SERPINI1: variants seen among roughly 807,000 people sequenced by gnomAD.
The protein encoded by SERPINI1 is serpin family I member 1.
SERPINI1 carries 19 observed loss-of-function variants against 41.1 expected under a neutral mutation model. That is an observed-to-expected ratio of 0.46 (90% confidence interval 0.32 to 0.68). The LOEUF (loss-of-function observed/expected upper bound fraction) is 0.68, where lower values mean the gene tolerates loss of function less well. SERPINI1 is among the 30% of genes least tolerant of loss of function. SERPINI1 has a pLI of 0.03. For missense variants in SERPINI1, 460 were observed against 479.2 expected (o/e 0.96, Z 0.37); for synonymous variants, 138 against 156.6 (o/e 0.88, Z 0.89).
At chr3:167,762,353 C>T (rs1337588373) in intron 1 of SERPINI1, among the ~76,000 whole-genome samples, 3 of 152,122 alleles carry the variant, frequency 2.0e-5, no homozygotes, top group Non-Finnish European at 4.4e-5. Context: ...AACAAACGTG[C>T]TGTTTTTTCT....
At chr3:167,788,090 AT>A (rs1348167932) in intron 1 of SERPINI1, among the ~76,000 whole-genome samples, 1 of 152,230 alleles carries the variant, frequency 6.6e-6, no homozygotes, top group East Asian at 1.9e-4. Context: ...ACTTAATTGT[AT>A]GAATAAACAG....
chr3:167,755,237 C>A (rs1437993699), intron 1 of SERPINI1, among the ~76,000 whole-genome samples: 1 of 152,158 alleles, frequency 6.6e-6, no homozygotes, highest in East Asian at 1.9e-4. Flanking sequence ...AGTTTGGAAG[C>A]ACTTCCTAAT....
intron 3 of SERPINI1, among the ~76,000 whole-genome samples, chr3:167,791,698 C>A (rs1402727559): frequency 6.6e-6 from 1 of 152,174 alleles, no homozygotes; most frequent in Non-Finnish European, 1.5e-5. Context: ...AACACTAATA[C>A]ATCATGATTT....
rs534809287 is a variant in SERPINI1, at chr3:167,762,080, G to A, written c.-19+26257G>A. 2.6e-5 allele frequency among the ~76,000 whole-genome samples: 4 copies of A among 152,228 alleles called. No homozygotes were observed. The South Asian group carries it at 8.3e-4, about 32-fold the overall frequency. ...CCTTGGTCTCGATGAAGGACCCCAT[G>A]TCCTATTTCACAGAGAAAAGGGAAA... is the stretch of plus-strand genomic sequence containing the variant. On this transcript the variant is annotated intron_variant, in intron 1 of 8. Transcript: ENST00000446050.
chr3:167,753,401 T>A (rs1726103125), intron 1 of SERPINI1, among the ~76,000 whole-genome samples: 1 of 152,188 alleles, frequency 6.6e-6, no homozygotes, highest in Non-Finnish European at 1.5e-5. Context: ...TTCACAAAGT[T>A]CCTTTCTCAT....
At chr3:167,778,008 T>C (rs1466060149) in intron 1 of SERPINI1, among the ~76,000 whole-genome samples, 2 of 152,224 alleles carry the variant, frequency 1.3e-5, no homozygotes, top group African/African-American at 4.8e-5. Flanking sequence ...CCTTCCACAA[T>C]GGGATGACCC....
At chr3:167,794,560 C>A in intron 4 of SERPINI1, 60 bp from the exon 5 acceptor site, 1 of 1,414,978 alleles carries the variant, frequency 7.1e-7, no homozygotes, top group Non-Finnish European at 9.9e-7. Flanking sequence ...TTTCATCTCT[C>A]GCCCCCAGCT....
At chr3:167,753,458 G>A (rs942355637) in intron 1 of SERPINI1, among the ~76,000 whole-genome samples, 10 of 152,126 alleles carry the variant, frequency 6.6e-5, no homozygotes, top group Admixed American at 6.5e-4. Context: ...AGCATCTAAT[G>A]TATAGCAGGT....
At chr3:167,799,577 C>T (rs1490930131) in intron 5 of SERPINI1, among the ~76,000 whole-genome samples, 1 of 152,152 alleles carries the variant, frequency 6.6e-6, no homozygotes, top group African/African-American at 2.4e-5. Flanking sequence ...ATTGCTGGGT[C>T]AAATGCTATT....
chr3:167,751,128 C>T (rs1438134576), intron 1 of SERPINI1, among the ~76,000 whole-genome samples: 1 of 152,110 alleles, frequency 6.6e-6, no homozygotes, highest in Non-Finnish European at 1.5e-5. Context: ...TGTCTCACCT[C>T]CTGCCAGCTA....
intron 1 of SERPINI1, among the ~76,000 whole-genome samples, chr3:167,736,711 G>T (rs1393172551): frequency 1.3e-5 from 2 of 152,018 alleles, no homozygotes; most frequent in African/African-American, 4.8e-5. Flanking sequence ...GTTTATTCTC[G>T]GTATTAAACT....
At chr3:167,793,596 A>ATATATATATATATTTTTTTTTT in intron 4 of SERPINI1, among the ~76,000 whole-genome samples, 48 of 140,602 alleles carry the variant, frequency 3.4e-4, no homozygotes, top group African/African-American at 1.3e-3. Flanking sequence ...ATATATATAT[A>ATATATATATATATTTTTTTTTT]TTTTTAATTA....
At position 167,790,418 on chromosome 3, in the gene SERPINI1, T is replaced by C. The variant is rs61761891; in HGVS notation, c.297T>C (p.Ala99=). Residue 99 remains alanine, a synonymous_variant, in exon 3 of 9, where the codon GCT becomes GCC. Coordinates refer to ENST00000446050, the MANE Select transcript of SERPINI1 (RefSeq NM_001122752.2). ...AGGAGTTTTCAAACATGGTAACTGCTAAAGAGAGCCAATATGTGATGAAAA... is the reference window on the plus strand; with the variant it reads ...AGGAGTTTTCAAACATGGTAACTGCCAAAGAGAGCCAATATGTGATGAAAA... The part of the protein sequence containing the change: ...FLKEFSNMVT[A]KESQYVMKIA... The C allele has an allele frequency of 1.2e-6, 2 of 1,613,970 alleles. No individual in the cohort carries two copies. The highest frequency in any genetic ancestry group is 1.7e-6 in the Non-Finnish European group (2 of 1,179,860).
intron 5 of SERPINI1, among the ~76,000 whole-genome samples, chr3:167,806,736 C>T (rs1186932882): frequency 6.6e-6 from 1 of 151,814 alleles, no homozygotes; most frequent in East Asian, 1.9e-4. Context: ...TAACCTTGTC[C>T]ATGGCATTGA....
At chr3:167,742,903 C>T (rs1467662442) in intron 1 of SERPINI1, among the ~76,000 whole-genome samples, 1 of 150,818 alleles carries the variant, frequency 6.6e-6, no homozygotes, top group Non-Finnish European at 1.5e-5. Flanking sequence ...GTGTTCACTT[C>T]AGTGATTTCC....
At chr3:167,767,981 C>A (rs1021778447) in intron 1 of SERPINI1, among the ~76,000 whole-genome samples, 3 of 152,150 alleles carry the variant, frequency 2.0e-5, no homozygotes, top group Non-Finnish European at 4.4e-5. Context: ...TAGACTATTA[C>A]AAAAACTCAG....
At chr3:167,745,713 G>T (rs867352803) in intron 1 of SERPINI1, among the ~76,000 whole-genome samples, 1 of 152,002 alleles carries the variant, frequency 6.6e-6, no homozygotes, top group Non-Finnish European at 1.5e-5. Context: ...GTTCACCAAG[G>T]TTGCAGGATA....
At chr3:167,738,306 G>A (rs142246309) in intron 1 of SERPINI1, among the ~76,000 whole-genome samples, 132 of 152,124 alleles carry the variant, frequency 8.7e-4, no homozygotes, top group African/African-American at 3.1e-3. Context: ...CAAAAACCTT[G>A]GTTAATTTCA....
intron 1 of SERPINI1, among the ~76,000 whole-genome samples, chr3:167,784,923 C>G (rs1049772075): frequency 6.6e-6 from 1 of 152,056 alleles, no homozygotes; most frequent in African/African-American, 2.4e-5. Flanking sequence ...TCATAATGTC[C>G]TCTGTTAGAA....
Sources: gnomAD v4.1 joint callset for allele counts (sites outside exome capture counted in the v4.1 genomes callset) on GRCh38, gnomAD v4.1.1 for gene constraint, MANE v1.5 for transcripts, NCBI Gene and HGNC (gene_info 2026-07-23, HGNC 2026-07-21) for gene names.